The following CDK8 variants were observed in gnomAD, a reference collection of about 807,000 sequenced individuals.
The protein encoded by CDK8 is cyclin dependent kinase 8, also known as cyclin-dependent kinase 8.
In CDK8, 29 loss-of-function variants were observed where a neutral mutation model predicts 71.5. That is an observed-to-expected ratio of 0.41 (90% CI 0.30 to 0.55). The LOEUF (loss-of-function observed/expected upper bound fraction) is 0.55. Among genes scored for constraint, CDK8 ranks in the 20% least tolerant of loss-of-function variants. The pLI is 0.37. For missense variants in CDK8, 288 were observed against 572.6 expected (o/e 0.50, Z 5.07); for synonymous variants, 161 against 192.1 (o/e 0.84, Z 1.34).
chr13:26,309,458 A>G (rs980625123), intron 1 of CDK8, among the ~76,000 whole-genome samples: 2 of 151,566 alleles, frequency 1.3e-5, no homozygotes, highest in African/African-American at 4.8e-5. Flanking sequence ...TATTTTACCA[A>G]TTTTCTCCTG....
intron 1 of CDK8, 140 bp from the exon 2 acceptor site, chr13:26,337,427 T>C (rs1291719154): frequency 6.6e-6 from 2 of 301,124 alleles, no homozygotes; most frequent in Non-Finnish European, 6.1e-6. Context: ...GAAAAGTTTT[T>C]CCTTGTACGA....
chr13:26,334,818 C>T (rs1360862498), intron 1 of CDK8, among the ~76,000 whole-genome samples: 2 of 152,178 alleles, frequency 1.3e-5, no homozygotes, highest in Non-Finnish European at 2.9e-5. Flanking sequence ...GTCTGCCCTT[C>T]CTTTTAGTAT....
chr13:26,261,600 T>C (rs1486610969), intron 1 of CDK8, among the ~76,000 whole-genome samples: 1 of 152,264 alleles, frequency 6.6e-6, no homozygotes, highest in African/African-American at 2.4e-5. Flanking sequence ...TTTAATGTAA[T>C]GTTTTCAAGG....
At chr13:26,316,209 A>G (rs1480426831) in intron 1 of CDK8, among the ~76,000 whole-genome samples, 1 of 152,130 alleles carries the variant, frequency 6.6e-6, no homozygotes, top group African/African-American at 2.4e-5. Context: ...AAATGTAGAA[A>G]CTTAGCTGGG....
intron 1 of CDK8, among the ~76,000 whole-genome samples, chr13:26,302,673 A>G (rs756718431): frequency 5.9e-5 from 9 of 152,234 alleles, no homozygotes; most frequent in Non-Finnish European, 1.2e-4. Context: ...GACAAGAAAT[A>G]AGATAGATCA....
intron 4 of CDK8, among the ~76,000 whole-genome samples, chr13:26,372,993 C>A (rs1228472864): frequency 2.6e-5 from 4 of 152,146 alleles, no homozygotes; most frequent in Non-Finnish European, 4.4e-5. Flanking sequence ...CCCACAAATG[C>A]CTTCTTGAAT....
intron 6 of CDK8, among the ~76,000 whole-genome samples, chr13:26,386,016 TAAAGG>T (rs1464229639): frequency 2.6e-5 from 4 of 152,150 alleles, no homozygotes; most frequent in African/African-American, 9.7e-5. Flanking sequence ...CCCCTAAAAT[TAAAGG>T]AAAGACATTA....
chr13:26,254,602 G>GCCCC lies in CDK8; in HGVS notation c.-40_-39insCCCC. ...TCCCCGGTCCCCACCCCTGCCCCCC[G>GCCCC]GCCCCCCGACCCAGCTCTCCGGCCT... On this transcript the variant is annotated 5_prime_UTR_variant, in exon 1 of 13. Transcript: ENST00000381527. This position sits in a 1 kb window ranked among gnomAD's most constrained non-coding sequence, Gnocchi z 6.7. 1 of 590,578 alleles carries GCCCC rather than the reference G, an allele frequency of 1.7e-6. No homozygotes were observed. Among genetic ancestry groups the GCCCC allele is most frequent in the Non-Finnish European group, 2.7e-6 (1 of 365,456 alleles). 36.6% of individuals were successfully genotyped at this position (590,578 alleles called of 1,614,324 possible). A position where few individuals can be genotyped will look rare whatever the true frequency, so the allele number is the denominator to read the frequency against.
At chr13:26,302,952 T>G (rs1873886804) in intron 1 of CDK8, among the ~76,000 whole-genome samples, 2 of 152,148 alleles carry the variant, frequency 1.3e-5, no homozygotes, top group African/African-American at 4.8e-5. Flanking sequence ...GCGATCCTCT[T>G]GAGTAGCTAG....
intron 2 of CDK8, among the ~76,000 whole-genome samples, chr13:26,339,790 G>A (rs184201630): frequency 7.2e-4 from 100 of 139,398 alleles, no homozygotes; most frequent in African/African-American, 2.5e-3. Context: ...TATATATCCT[G>A]AGATATTTCT....
chr13:26,391,535 TAAGTAG>T (rs1565997139), intron 6 of CDK8, among the ~76,000 whole-genome samples: 1 of 152,254 alleles, frequency 6.6e-6, no homozygotes, highest in Non-Finnish European at 1.5e-5. Context: ...GGGTGTGCTG[TAAGTAG>T]AATTTTAAAC....
chr13:26,368,121 T>C (rs986922815), intron 4 of CDK8, among the ~76,000 whole-genome samples: 7 of 152,336 alleles, frequency 4.6e-5, no homozygotes, highest in Middle Eastern at 3.4e-3. Flanking sequence ...TTCATTAATA[T>C]CTGTTTACCC....
At chr13:26,298,385 C>T (rs1392513080) in intron 1 of CDK8, among the ~76,000 whole-genome samples, 6 of 152,134 alleles carry the variant, frequency 3.9e-5, no homozygotes, top group African/African-American at 1.2e-4. Flanking sequence ...TCTACCTTTG[C>T]TCATATTAGT....
chr13:26,296,422 TAG>T (rs1035967188), intron 1 of CDK8, among the ~76,000 whole-genome samples: 1 of 152,168 alleles, frequency 6.6e-6, no homozygotes, highest in African/African-American at 2.4e-5. Context: ...AGACCTTTTG[TAG>T]AGCTGGAAGT....
chr13:26,285,804 A>T (rs761969476), intron 1 of CDK8, among the ~76,000 whole-genome samples: 4 of 152,232 alleles, frequency 2.6e-5, no homozygotes, highest in Non-Finnish European at 5.9e-5. Context: ...AGGATACAAA[A>T]TCAGCGTACA....
chr13:26,401,142 A>G lies in CDK8; in HGVS notation c.1032-127A>G, dbSNP rs1426316769. On this transcript the variant is annotated intron_variant, in intron 10 of 12. Coordinates refer to ENST00000381527, the MANE Select transcript of CDK8 (RefSeq NM_001260.3). This position sits in a 1 kb window ranked among gnomAD's most constrained non-coding sequence, Gnocchi z 4.5. Reference sequence around the variant, plus strand: ...ATTCGTTTTGTCACAGTTACATGAAAGGTGCTTATATTTGCAAATATGGAG... The same window carrying G: ...ATTCGTTTTGTCACAGTTACATGAAGGGTGCTTATATTTGCAAATATGGAG... The G allele has an allele frequency of 1.4e-6, 1 of 703,114 alleles. No homozygotes were observed. Among genetic ancestry groups the G allele is most frequent in the Non-Finnish European group, 2.4e-6 (1 of 414,648 alleles). 43.6% of individuals were successfully genotyped at this position (703,114 alleles called of 1,614,324 possible).
intron 2 of CDK8, among the ~76,000 whole-genome samples, chr13:26,340,023 A>G (rs1205257948): frequency 6.6e-6 from 1 of 151,960 alleles, no homozygotes; most frequent in Non-Finnish European, 1.5e-5. Flanking sequence ...TTCACTGTTC[A>G]GTATAATGAT....
intron 6 of CDK8, among the ~76,000 whole-genome samples, chr13:26,392,592 CT>C (rs1236079594): frequency 7.2e-5 from 11 of 152,124 alleles, no homozygotes; most frequent in African/African-American, 2.7e-4. Context: ...TCCCAACATG[CT>C]GGGATTATAG....
chr13:26,347,759 A>G (rs1353822752), intron 2 of CDK8, among the ~76,000 whole-genome samples: 2 of 152,228 alleles, frequency 1.3e-5, no homozygotes, highest in Non-Finnish European at 2.9e-5. Flanking sequence ...TCATTAGGAT[A>G]TATGTTAATT....
Sources: allele counts gnomAD v4.1 joint callset (sites outside exome capture counted in the v4.1 genomes callset), GRCh38; gene constraint gnomAD v4.1.1; non-coding constraint Gnocchi (gnomAD v3.1); transcripts MANE v1.5; gene names NCBI Gene and HGNC (gene_info 2026-07-23, HGNC 2026-07-21).